The following CES5A variants were observed in gnomAD, a reference collection of about 807,000 sequenced individuals.
The protein encoded by CES5A is carboxylesterase 5A.
A neutral mutation model predicts 62.9 loss-of-function variants in CES5A; 67 were observed. That is an observed-to-expected ratio of 1.07 (90% CI 0.88 to 1.31). The LOEUF (loss-of-function observed/expected upper bound fraction) is 1.31, where lower values mean the gene tolerates loss of function less well. CES5A is among the 50% of genes most tolerant of loss of function. The pLI, the probability that CES5A is intolerant of heterozygous loss-of-function variation, is 0.00. For missense variants in CES5A, 748 were observed against 708.5 expected (o/e 1.06, Z -0.63); for synonymous variants, 296 against 280.8 (o/e 1.05, Z -0.54).
chr16:55,867,043 A>G (rs1284238449), intron 4 of CES5A, among the ~76,000 whole-genome samples: 1 of 152,084 alleles, frequency 6.6e-6, no homozygotes, highest in African/African-American at 2.4e-5. Flanking sequence ...GCTGACCTCT[A>G]GGAATGACAT....
In CES5A at chr16:55,918,082, T is replaced by C. The variant is rs116409815; in HGVS notation, c.-256+7241A>G. Among the ~76,000 whole-genome samples, 978 of 152,284 alleles carry C rather than the reference T, an allele frequency of 6.4e-3. 11 individuals carry two copies. Among genetic ancestry groups the C allele is most frequent in the African/African-American group, 0.023 (944 of 41,556 alleles). The stretch of plus-strand genomic sequence containing the variant: ...TCCTTGAAAGTTCATCATAGTCAGA[T>C]ATGCTGATGGGCAGGCACAGAGGTA... On this transcript the variant is annotated intron_variant, in intron 1 of 12. Coordinates refer to the CES5A transcript ENST00000518005.
In CES5A at chr16:55,902,806, C is replaced by A. The variant is rs545649064; in HGVS notation, c.-256+22517G>T. On this transcript the variant is annotated intron_variant, in intron 1 of 12. Coordinates refer to the CES5A transcript ENST00000518005. Reference sequence around the variant, plus strand: ...TCACAGCTGTTGCTTGAGATGCCACCATTGGTGACTCCTTCCTTACAACAC... The same window carrying A: ...TCACAGCTGTTGCTTGAGATGCCACAATTGGTGACTCCTTCCTTACAACAC... Among the ~76,000 whole-genome samples, 164 of 152,230 alleles carry A rather than the reference C, an allele frequency of 1.1e-3. 2 individuals carry two copies. The South Asian group carries it at 0.029, about 27-fold the overall frequency.
At chr16:55,938,017 C>T (rs1017383291) in intron 2 of CES5A, among the ~76,000 whole-genome samples, 29 of 152,000 alleles carry the variant, frequency 1.9e-4, no homozygotes, top group Admixed American at 7.2e-4. Flanking sequence ...TTTTAAAAAT[C>T]ATCTTTTTTT....
chr16:55,938,791 TATATATAC>T (rs1257279427), intron 2 of CES5A, among the ~76,000 whole-genome samples: 1,865 of 64,406 alleles, frequency 0.029, 75 homozygotes, highest in African/African-American at 0.091. Context: ...TATATATATA[TATATATAC>T]ACACATATAT....
chr16:55,861,418 G>T lies in CES5A; in HGVS notation c.909C>A (p.Leu303=), dbSNP rs1382719699. The T allele has an allele frequency of 1.9e-6, 3 of 1,610,116 alleles. No homozygotes were observed. Among genetic ancestry groups the T allele is most frequent in the South Asian group, 2.2e-5 (2 of 90,928 alleles). ...CTGCCCCCTCTGTCCTCACCTGGCT[G>T]AGGGTCAGCAGCTCCTTGGAGGGTT... The part of the protein sequence containing the change: ...RTKPSKELLT[L]SQKTKSFTRV... The change falls in exon 7 of 13, where the codon CTC becomes CTA. Residue 303 remains leucine (L), a synonymous_variant. Coordinates refer to ENST00000290567, the MANE Select transcript of CES5A (RefSeq NM_001143685.2).
chr16:55,919,670 A>G (rs2034182323), intron 1 of CES5A, among the ~76,000 whole-genome samples: 1 of 152,238 alleles, frequency 6.6e-6, no homozygotes, highest in Admixed American at 6.5e-5. Context: ...AGAAAAATCT[A>G]GAAAAATCAC....
At chr16:55,876,933 C>A (rs1025996273), upstream of CES5A, among the ~76,000 whole-genome samples, 1 of 152,288 alleles carries the variant, frequency 6.6e-6, no homozygotes, top group Admixed American at 6.5e-5. Flanking sequence ...CACAACCTGG[C>A]CTGTGCTGGA....
At chr16:55,866,420 G>A (rs575598252) in intron 4 of CES5A, among the ~76,000 whole-genome samples, 1 of 152,198 alleles carries the variant, frequency 6.6e-6, no homozygotes, top group South Asian at 2.1e-4. Flanking sequence ...GTGTTGCCCA[G>A]GCTTGTCTGG....
intron 4 of CES5A, among the ~76,000 whole-genome samples, chr16:55,869,245 C>G (rs1484201308): frequency 6.6e-6 from 1 of 152,200 alleles, no homozygotes; most frequent in Non-Finnish European, 1.5e-5. Context: ...GGAGACCCTC[C>G]ATTGCATGAT....
In CES5A at chr16:55,853,959, C is replaced by T. The variant is rs140936817; in HGVS notation, c.1126-931G>A. Among the ~76,000 whole-genome samples the T allele has an allele frequency of 3.1e-3, 468 of 152,278 alleles. 2 individuals carry two copies. The highest frequency in any genetic ancestry group is 0.011 in the African/African-American group (444 of 41,558). Reference sequence around the variant, plus strand: ...CACATTGGGGAATGCTGCTCAGACTCGTTTATTGGGTCCTCAGGAGGCTGG... The same window carrying T: ...CACATTGGGGAATGCTGCTCAGACTTGTTTATTGGGTCCTCAGGAGGCTGG... On this transcript the variant is annotated intron_variant, in intron 9 of 12. Coordinates refer to ENST00000290567, the MANE Select transcript of CES5A (RefSeq NM_001143685.2).
At chr16:55,901,845 T>A (rs1400935559) in intron 1 of CES5A, among the ~76,000 whole-genome samples, 1 of 152,134 alleles carries the variant, frequency 6.6e-6, no homozygotes, top group African/African-American at 2.4e-5. Flanking sequence ...TATATATCAG[T>A]GGGTTTTATT....
intron 1 of CES5A, among the ~76,000 whole-genome samples, chr16:55,898,031 A>G (rs2033952122): frequency 6.6e-6 from 1 of 152,220 alleles, no homozygotes. Flanking sequence ...AAGCTAATCT[A>G]TAGGGAGAGA....
chr16:55,850,589 T>C (rs1289853811), intron 10 of CES5A, among the ~76,000 whole-genome samples: 2 of 152,260 alleles, frequency 1.3e-5, no homozygotes, highest in African/African-American at 4.8e-5. Context: ...TGATAATCCA[T>C]TGTAAGTATA....
In CES5A at chr16:55,869,335, T is replaced by G. The variant is rs77337886; in HGVS notation, c.551+276A>C. On this transcript the variant is annotated intron_variant, in intron 4 of 12. Transcript: ENST00000290567. ...ATCCACATCAGAGCTCAAGATGTGA[T>G]GAGCCAGATCCCTGGTTGACCATGA... 3.0e-3 allele frequency: 1,107 copies of G among 366,362 alleles called. 30 individuals are homozygous for G. Among genetic ancestry groups the G allele is most frequent in the South Asian group, 0.029 (579 of 19,958 alleles). The allele number at this position is 366,362 out of a possible 1,614,324, so 22.7% of individuals were successfully genotyped here.
chr16:55,866,673 AAAAAATAC>A lies in CES5A; in HGVS notation c.552-565_552-558del, dbSNP rs1281819938. Among the ~76,000 whole-genome samples the A allele has an allele frequency of 6.7e-3, 939 of 139,740 alleles. 127 individuals are homozygous for A. The highest frequency in any genetic ancestry group is 0.011 in the Non-Finnish European group (672 of 63,426). The allele number at this position is 139,740 out of a possible 152,430, so 91.7% of individuals were successfully genotyped here. A position where few individuals can be genotyped will look rare whatever the true frequency, so the allele number is the denominator to read the frequency against. ...CTGTCTCTGCTAAAAAAAAAAAAAA[AAAAAATAC>A]AAAAAAATTAGCTGGACACGGTGGC... On this transcript the variant is annotated intron_variant, in intron 4 of 12. Transcript: ENST00000290567.
intron 10 of CES5A, among the ~76,000 whole-genome samples, chr16:55,850,185 C>T (rs1172843264): frequency 6.6e-6 from 1 of 152,090 alleles, no homozygotes; most frequent in Non-Finnish European, 1.5e-5. Context: ...CTGTGGTCTG[C>T]CTTCTCATTT....
chr16:55,932,100 G>C (rs567411698), intron 2 of CES5A, among the ~76,000 whole-genome samples: 1 of 152,318 alleles, frequency 6.6e-6, no homozygotes, highest in African/African-American at 2.4e-5. Flanking sequence ...TCACAAGAGT[G>C]TGTCTATTAT....
At chr16:55,888,109 T>A (rs1851907155) in intron 1 of CES5A, among the ~76,000 whole-genome samples, 2 of 152,188 alleles carry the variant, frequency 1.3e-5, no homozygotes, top group Non-Finnish European at 2.9e-5. Context: ...TTCTTTTTGC[T>A]TGCTTTCAGT....
rs2034556115 is a variant in CES5A, at chr16:55,951,428, C to T, written c.43-1526G>A. On this transcript the variant is annotated intron_variant, in intron 1 of 13. Coordinates refer to the CES5A transcript ENST00000521992. The stretch of plus-strand genomic sequence containing the variant: ...AAATGCATCAATGCATCAATCTATG[C>T]ATTAGCAATAAAAAATAGGTTGAAT... Among the ~76,000 whole-genome samples the T allele has an allele frequency of 3.3e-5, 5 of 152,066 alleles. No individual in the cohort carries two copies. In the South Asian group the frequency reaches 1.0e-3, roughly 32 times the overall value.
Sources: allele counts gnomAD v4.1 joint callset (sites outside exome capture counted in the v4.1 genomes callset), GRCh38; gene constraint gnomAD v4.1.1; transcripts MANE v1.5; gene names NCBI Gene and HGNC (gene_info 2026-07-23, HGNC 2026-07-21).